Variants in FRYL observed in about 807,000 individuals in gnomAD.
The protein encoded by FRYL is FRY like transcription coactivator, also known as protein furry homolog-like.
In FRYL, 150 loss-of-function variants were observed where a neutral mutation model predicts 351.2. That is an observed-to-expected ratio of 0.43 (90% CI 0.37 to 0.49). The LOEUF (loss-of-function observed/expected upper bound fraction) is 0.49. FRYL is among the 20% of genes least tolerant of loss of function. The pLI, the probability that FRYL is intolerant of heterozygous loss-of-function variation, is 0.00. For missense variants in FRYL, 3,036 were observed against 3,619.3 expected (o/e 0.84, Z 4.13); for synonymous variants, 1,153 against 1,257.1 (o/e 0.92, Z 1.75).
At chr4:48,640,571 G>A (rs769319727) in intron 3 of FRYL, among the ~76,000 whole-genome samples, 1 of 152,014 alleles carries the variant, frequency 6.6e-6, no homozygotes, top group Non-Finnish European at 1.5e-5. Context: ...AGTATATGGT[G>A]GATACATGTC....
chr4:48,603,043 T>C (rs987480572), intron 12 of FRYL, among the ~76,000 whole-genome samples: 2 of 152,208 alleles, frequency 1.3e-5, no homozygotes, highest in African/African-American at 4.8e-5. Flanking sequence ...ATTTCCATCA[T>C]TAAGCAATGC....
At chr4:48,506,651 TATATA>T (rs1156391954) in intron 59 of FRYL, 2 of 93,242 alleles carry the variant, frequency 2.1e-5, no homozygotes, top group Admixed American at 1.1e-4. Context: ...TATATATATA[TATATA>T]TATATATATA....
At chr4:48,566,209 C>T (rs1383313955) in intron 28 of FRYL, among the ~76,000 whole-genome samples, 1 of 152,150 alleles carries the variant, frequency 6.6e-6, no homozygotes, top group African/African-American at 2.4e-5. Context: ...GCAGTTCAGG[C>T]CTAGTGTCCA....
intron 23 of FRYL, among the ~76,000 whole-genome samples, chr4:48,576,892 G>C (rs553471449): frequency 2.0e-5 from 3 of 152,026 alleles, no homozygotes; most frequent in African/African-American, 7.2e-5. Flanking sequence ...TGAACTATAA[G>C]TGCATGAATA....
intron 1 of FRYL, among the ~76,000 whole-genome samples, chr4:48,778,530 CTACA>C (rs1776265233): frequency 6.6e-6 from 1 of 152,174 alleles, no homozygotes; most frequent in South Asian, 2.1e-4. Flanking sequence ...TGCAAGTACT[CTACA>C]TAAAGTATTG....
At chr4:48,730,541 G>C (rs1042625631) in intron 1 of FRYL, among the ~76,000 whole-genome samples, 1 of 152,130 alleles carries the variant, frequency 6.6e-6, no homozygotes, top group Non-Finnish European at 1.5e-5. Flanking sequence ...ATCTCTCTGC[G>C]GAAACCCTAC....
Position 48,547,632 on chromosome 4 carries a change from TG to T in FRYL, c.5025del (p.Arg1676GlyfsTer11). Reference sequence around the variant, plus strand: ...GCAACTTGTTTGACTGTAAGCACCCTGGGCTCATTAAACTCCTTGTTCCTGA... The same window carrying T: ...GCAACTTGTTTGACTGTAAGCACCCTGGCTCATTAAACTCCTTGTTCCTGA... Reference protein sequence around the residue: ...VLLRNKEFNEPRVLTVKQVAH... With the variant: ...VLLRNKEFNEXRVLTVKQVAH... On this transcript the variant is annotated frameshift_variant, in exon 41 of 64. Transcript: ENST00000358350. LOFTEE classifies it high-confidence loss of function. 6.2e-7 allele frequency: 1 copy of T among 1,604,882 alleles called. No homozygotes were observed. Among genetic ancestry groups the T allele is most frequent in the Non-Finnish European group, 8.5e-7 (1 of 1,173,656 alleles).
chr4:48,546,488 A>C, intron 41 of FRYL: 1 of 564,540 alleles, frequency 1.8e-6, no homozygotes, highest in Non-Finnish European at 3.2e-6. Context: ...AAAACTTAGC[A>C]ATTTGGATGT....
intron 1 of FRYL, among the ~76,000 whole-genome samples, chr4:48,763,312 C>T (rs1056026495): frequency 6.6e-6 from 1 of 151,342 alleles, no homozygotes; most frequent in African/African-American, 2.4e-5. Flanking sequence ...AAATTTAAAA[C>T]TTAGCTGGAC....
At chr4:48,534,429 C>T (rs1444519175) in intron 49 of FRYL, 116 bp downstream of exon 49, 9 of 793,900 alleles carry the variant, frequency 1.1e-5, no homozygotes, top group African/African-American at 3.5e-5. Flanking sequence ...CCTGAAAACA[C>T]GATTTATGGT....
intron 3 of FRYL, among the ~76,000 whole-genome samples, chr4:48,671,848 G>T: frequency 1.4e-5 from 1 of 72,842 alleles, no homozygotes; most frequent in Non-Finnish European, 2.5e-5. Context: ...GAGAGACTCC[G>T]TCTCAAAAAC....
At chr4:48,666,291 C>T (rs574690422) in intron 3 of FRYL, among the ~76,000 whole-genome samples, 22 of 152,170 alleles carry the variant, frequency 1.4e-4, no homozygotes, top group Non-Finnish European at 2.6e-4. Flanking sequence ...AGCTTGAACC[C>T]GGGAGGTGGA....
chr4:48,534,523 T>G, intron 49 of FRYL, 22 bp downstream of exon 49: 2 of 1,570,704 alleles, frequency 1.3e-6, no homozygotes, highest in Non-Finnish European at 1.7e-6. Context: ...AAATGTTATA[T>G]GTAAGTTTTG....
At chr4:48,515,533 A>G (rs1723391967) in intron 55 of FRYL, among the ~76,000 whole-genome samples, 2 of 150,954 alleles carry the variant, frequency 1.3e-5, no homozygotes, top group African/African-American at 4.9e-5. Flanking sequence ...ATGCCCAGCT[A>G]ATTTTTTTTT....
At chr4:48,763,817 C>T (rs974234149) in intron 1 of FRYL, among the ~76,000 whole-genome samples, 10 of 152,074 alleles carry the variant, frequency 6.6e-5, no homozygotes, top group Admixed American at 3.3e-4. Context: ...ATGTTTTTAA[C>T]GTATATAATC....
chr4:48,580,664 T>C (rs1464981499), intron 22 of FRYL: 21 of 428,178 alleles, frequency 4.9e-5, no homozygotes, highest in East Asian at 1.0e-4. Context: ...TTTATTTCTA[T>C]GTAGAAGAGT....
chr4:48,520,883 C>T (rs1724765833), intron 55 of FRYL, among the ~76,000 whole-genome samples, 165 bp downstream of exon 55: 1 of 152,180 alleles, frequency 6.6e-6, no homozygotes, highest in South Asian at 2.1e-4. Context: ...AATCTACCAA[C>T]TTAAGAAAAA....
intron 3 of FRYL, among the ~76,000 whole-genome samples, chr4:48,656,422 T>C (rs1289954665): frequency 1.7e-4 from 6 of 35,172 alleles, no homozygotes; most frequent in African/African-American, 8.1e-4. Flanking sequence ...AATGTATATA[T>C]AATGTATAAT....
At chr4:48,745,269 T>C (rs1322686749) in intron 1 of FRYL, among the ~76,000 whole-genome samples, 1 of 152,144 alleles carries the variant, frequency 6.6e-6, no homozygotes, top group Non-Finnish European at 1.5e-5. Flanking sequence ...ACCCAAAGGA[T>C]TATAAATCAT....
Sources: gnomAD v4.1 joint callset for allele counts (sites outside exome capture counted in the v4.1 genomes callset) on GRCh38, gnomAD v4.1.1 for gene constraint, MANE v1.5 for transcripts, NCBI Gene and HGNC (gene_info 2026-07-23, HGNC 2026-07-21) for gene names.